NCOA4: variants seen among roughly 807,000 people sequenced by gnomAD.
The protein encoded by NCOA4 is nuclear receptor coactivator 4.
In NCOA4, 31 loss-of-function variants were observed where a neutral mutation model predicts 69.5. The observed-to-expected ratio is 0.45, with a 90% confidence interval of 0.34 to 0.60. The LOEUF is 0.60. Among genes scored for constraint, NCOA4 ranks in the 20% least tolerant of loss-of-function variants. The pLI is 0.02. For missense variants in NCOA4, 600 were observed against 719.2 expected (o/e 0.83, Z 1.90); for synonymous variants, 228 against 252.4 (o/e 0.90, Z 0.92).
intron 1 of NCOA4, among the ~76,000 whole-genome samples, chr10:46,029,496 A>G (rs1840342210): frequency 6.6e-6 from 1 of 152,196 alleles, no homozygotes; most frequent in South Asian, 2.1e-4. Context: ...TGGGCCAACT[A>G]TGACTTCCTG....
At chr10:46,016,037 A>G (rs1243102496) in intron 2 of NCOA4, among the ~76,000 whole-genome samples, 1 of 152,248 alleles carries the variant, frequency 6.6e-6, no homozygotes, top group Non-Finnish European at 1.5e-5. Context: ...GTCATGTAAT[A>G]CTTGGTCTAA....
Position 46,006,455 on chromosome 10 carries a change from A to T in NCOA4, c.*137T>A. On this transcript the variant is annotated 3_prime_UTR_variant, in exon 10 of 10. Transcript: ENST00000581486. The stretch of plus-strand genomic sequence containing the variant: ...ATAATCTGATGACTCACTTTGCTTT[A>T]CTAGTTCAAAATTAGGCAGGAGAAG... 1.1e-6 allele frequency: 1 copy of T among 936,116 alleles called. No homozygotes were observed. Among genetic ancestry groups the T allele is most frequent in the Non-Finnish European group, 1.8e-6 (1 of 571,312 alleles). 58.0% of individuals were successfully genotyped at this position (936,116 alleles called of 1,614,324 possible). A position where few individuals can be genotyped will look rare whatever the true frequency, so the allele number is the denominator to read the frequency against.
chr10:46,026,637 T>C (rs781823396), intron 1 of NCOA4, among the ~76,000 whole-genome samples: 15 of 152,116 alleles, frequency 9.9e-5, no homozygotes, highest in African/African-American at 2.9e-4. Flanking sequence ...ATTAATATTT[T>C]CCCTCCTTTA....
At chr10:46,021,301 T>A (rs1554924312) in intron 1 of NCOA4, among the ~76,000 whole-genome samples, 1 of 152,028 alleles carries the variant, frequency 6.6e-6, no homozygotes, top group African/African-American at 2.4e-5. Flanking sequence ...AAATAAAAAA[T>A]AAAGCTGGAA....
intron 9 of NCOA4, 56 bp downstream of exon 9, chr10:46,009,355 A>G: frequency 6.4e-7 from 1 of 1,569,340 alleles, no homozygotes; most frequent in Admixed American, 1.8e-5. Context: ...GTAAGACAAA[A>G]CATTTATTTT....
At chr10:46,010,176 TAAATA>T in intron 8 of NCOA4, 42 bp downstream of exon 8, 1 of 1,535,032 alleles carries the variant, frequency 6.5e-7, no homozygotes, top group Non-Finnish European at 8.7e-7. Flanking sequence ...AATAAATGAA[TAAATA>T]AATAAAACTC....
At chr10:46,026,737 A>G (rs560056771) in intron 1 of NCOA4, among the ~76,000 whole-genome samples, 1 of 152,342 alleles carries the variant, frequency 6.6e-6, no homozygotes, top group South Asian at 2.1e-4. Flanking sequence ...TCTCAGTATT[A>G]AAAGACTTAA....
chr10:46,021,432 G>C (rs1554924351), intron 1 of NCOA4, among the ~76,000 whole-genome samples: 1 of 152,210 alleles, frequency 6.6e-6, no homozygotes, highest in Non-Finnish European at 1.5e-5. Context: ...TTTGGGTTTA[G>C]AACTACAGTT....
chr10:46,027,628 G>C, intron 1 of NCOA4: 1 of 687,512 alleles, frequency 1.5e-6, no homozygotes. Flanking sequence ...GCCTTCTACA[G>C]TTCTTCCATG....
rs75048856 is a variant in NCOA4 at position 46,011,434 on chromosome 10, ATT to A, written c.715-230_715-229del. ...AGGCGCCCACCACCACGCCCAGCTA[ATT>A]TTTTTTTTTTTTGTATTTTTAGTAG... On this transcript the variant is annotated intron_variant, in intron 7 of 9. Coordinates refer to ENST00000581486, the MANE Select transcript of NCOA4 (RefSeq NM_001145263.2). Among the ~76,000 whole-genome samples the A allele has an allele frequency of 5.4e-3, 789 of 145,368 alleles. 7 individuals carry two copies. Among genetic ancestry groups the A allele is most frequent in the East Asian group, 0.02 (95 of 4,816 alleles).
In NCOA4 at chr10:46,020,498, T is replaced by C. The variant is rs570390358; in HGVS notation, c.-14-3804A>G. ...TAGCTGACAGGCTGTGAACAGGACC[T>C]GACAGAATCCTTTAGCCATTTATCA... On this transcript the variant is annotated intron_variant, in intron 1 of 9. Transcript: ENST00000581486. 9.8e-5 allele frequency among the ~76,000 whole-genome samples: 15 copies of C among 152,348 alleles called. No homozygotes were observed. In the South Asian group the frequency reaches 3.1e-3, roughly 32 times the overall value.
chr10:46,010,500 G>A lies in NCOA4; in HGVS notation c.1421C>T (p.Pro474Leu). 1 of 1,614,166 alleles carries A rather than the reference G, an allele frequency of 6.2e-7. No homozygotes were observed. The highest frequency in any genetic ancestry group is 2.2e-5 in the East Asian group (1 of 44,878). Residue 474 changes from proline (P) to leucine (L), a missense_variant, in exon 8 of 10, where the codon CCA becomes CTA. By Grantham distance (98) the Pro-to-Leu change is moderately conservative. Transcript: ENST00000581486. ...AATTCTAGAAGGAGTCATTGCCTTTGGTGCTTTAGTTTGTTCTATTACTTC... is the reference window on the plus strand; with the variant it reads ...AATTCTAGAAGGAGTCATTGCCTTTAGTGCTTTAGTTTGTTCTATTACTTC... ...RKEVIEQTKA[P>L]KAMTPSRIAD...
At chr10:46,019,945 C>T (rs1464540886) in intron 1 of NCOA4, among the ~76,000 whole-genome samples, 1 of 152,186 alleles carries the variant, frequency 6.6e-6, no homozygotes, top group Non-Finnish European at 1.5e-5. Flanking sequence ...TCTGTCCCTC[C>T]TCCTCCCTGT....
Position 46,009,563 on chromosome 10 carries a change from G to A in NCOA4, c.1699-12C>T. ...TTAAGTAATACTTCCTGCAATAAAA[G>A]AAAAGAGTAGGTTGCTTCATGAAAA... On this transcript the variant is annotated splice_polypyrimidine_tract_variant and intron_variant, in intron 8 of 9. Coordinates refer to ENST00000581486, the MANE Select transcript of NCOA4 (RefSeq NM_001145263.2). 6.2e-7 allele frequency: 1 copy of A among 1,601,660 alleles called. No individual in the cohort carries two copies. The highest frequency in any genetic ancestry group is 8.5e-7 in the Non-Finnish European group (1 of 1,175,614).
chr10:46,024,880 C>T (rs1840076398), intron 1 of NCOA4, among the ~76,000 whole-genome samples: 1 of 152,128 alleles, frequency 6.6e-6, no homozygotes, highest in South Asian at 2.1e-4. Context: ...AGGATAAAGT[C>T]CAAATTTCTT....
rs782236302 is a variant in NCOA4, at chr10:46,015,129, G to A, written c.279C>T (p.Tyr93=). The A allele has an allele frequency of 6.2e-7, 1 of 1,614,202 alleles. No individual in the cohort carries two copies. Among genetic ancestry groups the A allele is most frequent in the South Asian group, 1.1e-5 (1 of 91,082 alleles). The change falls in exon 3 of 10, where the codon TAC becomes TAT. Residue 93 remains tyrosine (Y), a synonymous_variant. Transcript: ENST00000581486. ...TCTAGCCATGCAGTCACCTTACCGA[G>A]TAGAGCTGCTGAGCCTGCTGTTGAA... The part of the protein sequence containing the change: ...ETLQQQAQQL[Y]SLLGQFNCLT...
chr10:46,016,437 G>A lies in NCOA4; in HGVS notation c.141+103C>T, dbSNP rs1839552794. On this transcript the variant is annotated intron_variant, in intron 2 of 9. Coordinates refer to ENST00000581486, the MANE Select transcript of NCOA4 (RefSeq NM_001145263.2). ...ACCAAGTAGACCACGCAAGGCATGG[G>A]GTGAAATTTTTTGCTGGCACGGAGA... 5 of 1,074,624 alleles carry A rather than the reference G, an allele frequency of 4.7e-6. No individual in the cohort carries two copies. In the South Asian group the frequency reaches 1.0e-4, roughly 22 times the overall value. 66.6% of individuals were successfully genotyped at this position (1,074,624 alleles called of 1,614,324 possible). A position where few individuals can be genotyped will look rare whatever the true frequency, so the allele number is the denominator to read the frequency against.
In NCOA4 at chr10:46,005,273, T is replaced by G. The variant is rs1378151221; in HGVS notation, c.*1319A>C. ...CTGGAAAGGCTCCTTACATTGTTTT[T>G]GCCCACCACCTTTATATAATACTCC... On this transcript the variant is annotated 3_prime_UTR_variant, in exon 10 of 10. Coordinates refer to ENST00000581486, the MANE Select transcript of NCOA4 (RefSeq NM_001145263.2). 1 of 214,434 alleles carries G rather than the reference T, an allele frequency of 4.7e-6. No homozygotes were observed. The highest frequency in any genetic ancestry group is 9.4e-6 in the Non-Finnish European group (1 of 105,970). 13.3% of individuals were successfully genotyped at this position (214,434 alleles called of 1,614,324 possible).
intron 1 of NCOA4, chr10:46,022,494 C>G (rs1391594334): frequency 2.2e-6 from 1 of 460,944 alleles, no homozygotes; most frequent in East Asian, 7.0e-5. Context: ...GAGACGGAGT[C>G]TAGCTCTGCC....
Sources: allele counts gnomAD v4.1 joint callset (sites outside exome capture counted in the v4.1 genomes callset), GRCh38; gene constraint gnomAD v4.1.1; transcripts MANE v1.5; gene names NCBI Gene and HGNC (gene_info 2026-07-23, HGNC 2026-07-21).